Variants in FOXP2 observed in about 807,000 individuals in gnomAD.
FOXP2 encodes forkhead box P2.
FOXP2 carries 12 observed loss-of-function variants against 115.8 expected under a neutral mutation model. The ratio of observed to expected loss-of-function variants is 0.10; its 90% CI spans 0.07 to 0.17. The LOEUF (loss-of-function observed/expected upper bound fraction) is 0.17. FOXP2 is among the 10% of genes least tolerant of loss of function. FOXP2 has a pLI of 1.00. For synonymous variants in FOXP2, 328 were observed against 297.7 expected, an observed-to-expected ratio of 1.10 and a Z score of -1.05; for missense variants, 629 against 843.5, an observed-to-expected ratio of 0.75 and a Z score of 3.15.
At chr7:114,275,262 C>T (rs1010382764) in intron 1 of FOXP2, among the ~76,000 whole-genome samples, 1 of 152,068 alleles carries the variant, frequency 6.6e-6, no homozygotes, top group Non-Finnish European at 1.5e-5. Flanking sequence ...TTCTTTCCCT[C>T]TCTATTCTCC....
chr7:114,323,395 C>G (rs767855998), intron 2 of FOXP2, among the ~76,000 whole-genome samples: 8 of 151,852 alleles, frequency 5.3e-5, no homozygotes, highest in Non-Finnish European at 8.8e-5. Context: ...ATTCGTTGTA[C>G]AAGTACAGAA....
intron 2 of FOXP2, among the ~76,000 whole-genome samples, chr7:114,532,573 A>G (rs1264435512): frequency 6.6e-6 from 1 of 151,730 alleles, no homozygotes. Context: ...TCTACGTTTC[A>G]TTTTTCTTAT....
At chr7:114,413,184 G>T (rs1793207936), upstream of FOXP2, among the ~76,000 whole-genome samples, 2 of 152,046 alleles carry the variant, frequency 1.3e-5, no homozygotes, top group Non-Finnish European at 2.9e-5. Flanking sequence ...TTCCTCTGGA[G>T]TACATAAAGT....
intron 2 of FOXP2, among the ~76,000 whole-genome samples, chr7:114,475,885 CTTAA>C (rs1419239505): frequency 1.3e-5 from 2 of 151,698 alleles, no homozygotes; most frequent in African/African-American, 4.8e-5. Context: ...CATACTTTTC[CTTAA>C]TTAATAGTCA....
intron 1 of FOXP2, among the ~76,000 whole-genome samples, chr7:114,154,424 A>T (rs1413754366): frequency 6.6e-6 from 1 of 152,068 alleles, no homozygotes; most frequent in African/African-American, 2.4e-5. Flanking sequence ...ACTACTCAGA[A>T]ATTATTCAAA....
At chr7:114,309,729 G>A (rs1032375603) in intron 2 of FOXP2, among the ~76,000 whole-genome samples, 3 of 151,942 alleles carry the variant, frequency 2.0e-5, no homozygotes, top group Middle Eastern at 3.4e-3. Context: ...GCAGTGGTGT[G>A]ATCATAGCTC....
intron 1 of FOXP2, among the ~76,000 whole-genome samples, chr7:114,221,048 C>T (rs1357668553): frequency 6.6e-6 from 1 of 151,952 alleles, no homozygotes; most frequent in East Asian, 1.9e-4. Flanking sequence ...TTTTATACAC[C>T]TTATAATATA....
At chr7:114,248,029 T>C (rs181714615) in intron 1 of FOXP2, among the ~76,000 whole-genome samples, 1 of 152,188 alleles carries the variant, frequency 6.6e-6, no homozygotes, top group East Asian at 1.9e-4. Flanking sequence ...ATATGGACGC[T>C]AAAACATCCA....
intron 3 of FOXP2, among the ~76,000 whole-genome samples, chr7:114,585,857 T>C (rs891486184): frequency 2.0e-5 from 3 of 152,162 alleles, no homozygotes; most frequent in African/African-American, 7.2e-5. Context: ...TGCAAATGCA[T>C]TTATAATTTA....
rs970360860 is a variant in FOXP2, at chr7:114,117,814, G to T, written c.-247+29976G>T. Among the ~76,000 whole-genome samples the T allele has an allele frequency of 3.9e-5, 6 of 152,230 alleles. No homozygotes were observed. The East Asian group carries it at 7.8e-4, about 20-fold the overall frequency. ...GTTCTGCTGGAAGTCAGAGATCAGA[G>T]TGCCAGCATGATTGAGTTCAGGTGA... On this transcript the variant is annotated intron_variant, in intron 1 of 19. Transcript: ENST00000635638.
chr7:114,306,198 GTT>G, intron 2 of FOXP2, among the ~76,000 whole-genome samples: 1 of 152,176 alleles, frequency 6.6e-6, no homozygotes, highest in Middle Eastern at 3.4e-3. Context: ...AAGTCAACTT[GTT>G]ACTGTTTTGT....
intron 1 of FOXP2, among the ~76,000 whole-genome samples, chr7:114,233,698 A>C (rs1306044082): frequency 1.3e-5 from 2 of 152,214 alleles, no homozygotes; most frequent in Non-Finnish European, 2.9e-5. Flanking sequence ...GATCAGGCAA[A>C]CTGTAGTAAT....
chr7:114,542,690 T>G (rs1664228441), intron 3 of FOXP2, among the ~76,000 whole-genome samples: 1 of 152,188 alleles, frequency 6.6e-6, no homozygotes, highest in Non-Finnish European at 1.5e-5. Context: ...CATCTAAGAT[T>G]GTGCTGATTG....
intron 1 of FOXP2, among the ~76,000 whole-genome samples, chr7:114,174,358 G>A (rs1273289256): frequency 3.3e-5 from 5 of 151,932 alleles, no homozygotes; most frequent in Non-Finnish European, 4.4e-5. Flanking sequence ...TATTCACCAC[G>A]TAAAGTTATT....
intron 3 of FOXP2, among the ~76,000 whole-genome samples, chr7:114,551,440 A>G (rs1033340091): frequency 1.3e-5 from 2 of 152,126 alleles, no homozygotes; most frequent in Admixed American, 6.5e-5. Flanking sequence ...AGAGTGTTCT[A>G]TGGAATAAAT....
chr7:114,434,438 TGG>T (rs11350392), intron 2 of FOXP2, among the ~76,000 whole-genome samples: 1,726 of 131,448 alleles, frequency 0.013, 62 homozygotes, highest in South Asian at 0.023. Flanking sequence ...TTAATATATA[TGG>T]GGGGGGGGGA....
chr7:114,241,169 T>C (rs1795141960), intron 1 of FOXP2, among the ~76,000 whole-genome samples: 1 of 147,384 alleles, frequency 6.8e-6, no homozygotes, highest in Non-Finnish European at 1.5e-5. Flanking sequence ...GAGTGTTTAC[T>C]TTTACTAGCA....
At chr7:114,283,726 G>C (rs1796392195) in intron 1 of FOXP2, among the ~76,000 whole-genome samples, 1 of 152,080 alleles carries the variant, frequency 6.6e-6, no homozygotes, top group Non-Finnish European at 1.5e-5. Context: ...ACTTTGGGAG[G>C]CTAATATGAG....
At chr7:114,307,143 T>C (rs1285550871) in intron 2 of FOXP2, among the ~76,000 whole-genome samples, 10 of 152,170 alleles carry the variant, frequency 6.6e-5, no homozygotes, top group Admixed American at 6.6e-4. Context: ...CTGGTGAATT[T>C]TCATGAGTTG....
Sources: gnomAD v4.1 joint callset for allele counts (sites outside exome capture counted in the v4.1 genomes callset) on GRCh38, gnomAD v4.1.1 for gene constraint, MANE v1.5 for transcripts, NCBI Gene and HGNC (gene_info 2026-07-23, HGNC 2026-07-21) for gene names.